The following FSTL4 variants were observed in gnomAD, a reference collection of about 807,000 sequenced individuals.
FSTL4 encodes follistatin-related protein 4.
In FSTL4, 28 loss-of-function variants were observed where a neutral mutation model predicts 78.2. That is an observed-to-expected ratio of 0.36 (90% CI 0.27 to 0.49). The LOEUF is 0.49. Ranked by LOEUF, FSTL4 falls within the 20% of genes least tolerant of loss-of-function variation. FSTL4 has a pLI of 0.98. For synonymous variants in FSTL4, 422 were observed against 440.5 expected (o/e 0.96, Z 0.53); for missense variants, 922 against 1,084.9 (o/e 0.85, Z 2.11).
chr5:133,631,986 C>T, the FSTL4 span, among the ~76,000 whole-genome samples: 31 of 150,446 alleles, frequency 2.1e-4, no homozygotes, highest in African/African-American at 7.3e-4. Context: ...CATCACACAC[C>T]GGGGTCTGTT....
chr5:133,287,387 C>CA (rs56209403), intron 6 of FSTL4, among the ~76,000 whole-genome samples: 11,296 of 102,888 alleles, frequency 0.11, 768 homozygotes, highest in East Asian at 0.25. Context: ...GACTCCATCT[C>CA]AAAAAAAAAA....
intron 2 of FSTL4, among the ~76,000 whole-genome samples, chr5:133,577,227 A>G (rs1451579963): frequency 6.6e-6 from 1 of 152,260 alleles, no homozygotes; most frequent in Non-Finnish European, 1.5e-5. Context: ...ATAATCCAGC[A>G]AAGAACAGGA....
chr5:133,725,052 A>G, the FSTL4 span, among the ~76,000 whole-genome samples: 61 of 152,326 alleles, frequency 4.0e-4, no homozygotes, highest in African/African-American at 1.4e-3. Flanking sequence ...TCTGGACCCT[A>G]TTCCATTTCA....
At chr5:133,378,296 A>G (rs1014739726) in intron 4 of FSTL4, among the ~76,000 whole-genome samples, 1 of 152,336 alleles carries the variant, frequency 6.6e-6, no homozygotes, top group Non-Finnish European at 1.5e-5. Context: ...CAATTGTATA[A>G]AATAATATGT....
chr5:133,406,451 T>C (rs1353479595), intron 3 of FSTL4, among the ~76,000 whole-genome samples: 2 of 152,192 alleles, frequency 1.3e-5, no homozygotes, highest in Non-Finnish European at 2.9e-5. Context: ...TCTATCCTCT[T>C]AGAGGCCAGA....
At chr5:133,485,886 A>G (rs1002260443) in intron 3 of FSTL4, among the ~76,000 whole-genome samples, 4 of 152,236 alleles carry the variant, frequency 2.6e-5, no homozygotes, top group African/African-American at 9.6e-5. Context: ...TACTTGTCAC[A>G]GTGGGCTTCT....
the FSTL4 span, among the ~76,000 whole-genome samples, chr5:133,702,582 A>G: frequency 6.6e-5 from 10 of 152,148 alleles, no homozygotes; most frequent in African/African-American, 2.4e-4. Flanking sequence ...ATCATCCTTC[A>G]ACACCACTTA....
At chr5:133,631,997 G>C in the FSTL4 span, among the ~76,000 whole-genome samples, 1 of 152,028 alleles carries the variant, frequency 6.6e-6, no homozygotes. Flanking sequence ...GGGGTCTGTT[G>C]TGGGGTGGGG....
At chr5:133,597,856 G>A (rs112951662) in intron 2 of FSTL4, among the ~76,000 whole-genome samples, 14,253 of 152,140 alleles carry the variant, frequency 0.094, 807 homozygotes, top group African/African-American at 0.16. Context: ...GAGCCACGGT[G>A]GTAAGCAAGA....
At chr5:133,732,913 CA>C in the FSTL4 span, among the ~76,000 whole-genome samples, 1 of 152,326 alleles carries the variant, frequency 6.6e-6, no homozygotes, top group Non-Finnish European at 1.5e-5. Flanking sequence ...TTTGACTTCT[CA>C]CTGTGTGTCA....
the FSTL4 span, among the ~76,000 whole-genome samples, chr5:133,742,619 C>A: frequency 6.6e-6 from 1 of 152,012 alleles, no homozygotes; most frequent in Non-Finnish European, 1.5e-5. Flanking sequence ...GTCCTCAGCT[C>A]TCGGAGGGCT....
the FSTL4 span, among the ~76,000 whole-genome samples, chr5:133,779,455 G>A: frequency 1.2e-3 from 187 of 152,052 alleles, no homozygotes; most frequent in African/African-American, 4.1e-3. Flanking sequence ...GTGTGGTGGC[G>A]GGCACCTGTA....
chr5:133,392,626 C>T (rs1755877177), intron 4 of FSTL4, among the ~76,000 whole-genome samples: 1 of 152,120 alleles, frequency 6.6e-6, no homozygotes, highest in Admixed American at 6.6e-5. Context: ...AAATGCTCTG[C>T]GGCCTGACAG....
the FSTL4 span, among the ~76,000 whole-genome samples, chr5:133,662,903 C>T: frequency 2.0e-5 from 3 of 152,090 alleles, no homozygotes; most frequent in East Asian, 3.9e-4. Flanking sequence ...TAAAATTTAA[C>T]GCCATCCAAT....
chr5:133,630,376 G>A, the FSTL4 span, among the ~76,000 whole-genome samples: 1 of 152,148 alleles, frequency 6.6e-6, no homozygotes, highest in Admixed American at 6.5e-5. Context: ...CAAATCATGA[G>A]TGAACTCCCA....
At chr5:133,709,868 G>A in the FSTL4 span, among the ~76,000 whole-genome samples, 17 of 152,330 alleles carry the variant, frequency 1.1e-4, no homozygotes, top group South Asian at 1.2e-3. Context: ...TTATTGGCTT[G>A]GAGATGAAGG....
Position 133,491,821 on chromosome 5 carries a change from A to G in FSTL4, c.160+75365T>C, listed in dbSNP as rs181785360. ...CACATCCGTGTATTTTAAAAATTCAATCTGAAAATTGCTATTGACTAACAG... is the reference window on the plus strand; with the variant it reads ...CACATCCGTGTATTTTAAAAATTCAGTCTGAAAATTGCTATTGACTAACAG... On this transcript the variant is annotated intron_variant, in intron 3 of 15. Transcript: ENST00000265342. Among the ~76,000 whole-genome samples, 32 of 152,348 alleles carry G rather than the reference A, an allele frequency of 2.1e-4. No homozygotes were observed. In the East Asian group the frequency reaches 4.2e-3, roughly 20 times the overall value.
intron 4 of FSTL4, among the ~76,000 whole-genome samples, chr5:133,399,208 G>A (rs1350518093): frequency 2.0e-5 from 3 of 152,178 alleles, no homozygotes; most frequent in Non-Finnish European, 2.9e-5. Flanking sequence ...ATTCAACACG[G>A]CCAATAAAGC....
chr5:133,413,670 A>T (rs938308729), intron 3 of FSTL4, among the ~76,000 whole-genome samples: 1 of 152,150 alleles, frequency 6.6e-6, no homozygotes, highest in African/African-American at 2.4e-5. Flanking sequence ...TCTAATTAGA[A>T]ATATGCTACA....
Sources: allele counts gnomAD v4.1 joint callset (sites outside exome capture counted in the v4.1 genomes callset), GRCh38; gene constraint gnomAD v4.1.1; transcripts MANE v1.5; gene names NCBI Gene and HGNC (gene_info 2026-07-23, HGNC 2026-07-21).